The following ANO5 variants were observed in gnomAD, a reference collection of about 807,000 sequenced individuals.
The protein encoded by ANO5 is anoctamin 5.
A neutral mutation model predicts 121.0 loss-of-function variants in ANO5; 109 were observed. That is an observed-to-expected ratio of 0.90 (90% CI 0.77 to 1.06). ANO5 has a LOEUF of 1.06. Ranked by LOEUF, ANO5 falls within the 50% of genes least tolerant of loss-of-function variation. The pLI is 0.00. For synonymous variants in ANO5, 406 were observed against 359.9 expected, an observed-to-expected ratio of 1.13 and a Z score of -1.45; for missense variants, 1,064 against 1,078.5, an observed-to-expected ratio of 0.99 and a Z score of 0.19.
intron 17 of ANO5, 61 bp downstream of exon 17, chr11:22,263,104 A>C: frequency 7.0e-7 from 1 of 1,421,228 alleles, no homozygotes; most frequent in Non-Finnish European, 9.9e-7. Context: ...TTCCTCTAGA[A>C]GAAGATGGAA....
chr11:22,256,894 C>T (rs1479178239), intron 13 of ANO5, among the ~76,000 whole-genome samples: 1 of 152,168 alleles, frequency 6.6e-6, no homozygotes, highest in Non-Finnish European at 1.5e-5. Context: ...CACACATGAA[C>T]ACACATGTAC....
chr11:22,223,579 C>T (rs1022411906), intron 5 of ANO5, among the ~76,000 whole-genome samples: 6 of 152,008 alleles, frequency 3.9e-5, no homozygotes, highest in African/African-American at 1.4e-4. Context: ...CTTATCAGTT[C>T]TGGGAGTGGA....
Position 22,227,470 on chromosome 11 carries a change from A to G in ANO5, c.532A>G (p.Ser178Gly). ...GCTTGGACCTGTAAGACTCCCACTGAGTGTGAAGTATCCCCATCCTGAATA... is the reference window on the plus strand; with the variant it reads ...GCTTGGACCTGTAAGACTCCCACTGGGTGTGAAGTATCCCCATCCTGAATA... Reference protein sequence around the residue: ...YVLGPVRLPLSVKYPHPEYFT... With the variant: ...YVLGPVRLPLGVKYPHPEYFT... The change falls in exon 7 of 22, where the codon AGT becomes GGT. Residue 178 changes from serine (S) to glycine (G), a missense_variant. Coordinates refer to ENST00000324559, the MANE Select transcript of ANO5 (RefSeq NM_213599.3). 1 of 1,613,626 alleles carries G rather than the reference A, an allele frequency of 6.2e-7. No homozygotes were observed. Among genetic ancestry groups the G allele is most frequent in the Non-Finnish European group, 8.5e-7 (1 of 1,179,772 alleles).
chr11:22,193,586 C>A, intron 1 of ANO5, 54 bp downstream of exon 1: 1 of 1,589,514 alleles, frequency 6.3e-7, no homozygotes, highest in Non-Finnish European at 8.6e-7. Flanking sequence ...GCCTGCACCC[C>A]TCCACCCGCG....
chr11:22,199,988 G>A (rs11026459), intron 1 of ANO5, among the ~76,000 whole-genome samples: 26,648 of 151,984 alleles, frequency 0.18, 2,814 homozygotes, highest in African/African-American at 0.3. Context: ...CACTTTAAAT[G>A]TATCTTTTTC....
intron 2 of ANO5, among the ~76,000 whole-genome samples, chr11:22,208,019 G>A (rs149578618): frequency 1.3e-5 from 2 of 152,058 alleles, no homozygotes; most frequent in African/African-American, 4.8e-5. Context: ...ATATAAAATA[G>A]TGACAATACA....
At position 22,279,879 on chromosome 11, in the gene ANO5, CTTTT is replaced by C; in HGVS notation, c.*122_*125del. 4 of 387,202 alleles carry C rather than the reference CTTTT, an allele frequency of 1.0e-5. No homozygotes were observed. Among genetic ancestry groups the C allele is most frequent in the East Asian group, 5.6e-5 (1 of 17,910 alleles). The allele number at this position is 387,202 out of a possible 1,614,324, so 24.0% of individuals were successfully genotyped here. On this transcript the variant is annotated 3_prime_UTR_variant, in exon 22 of 22. Coordinates refer to ENST00000324559, the MANE Select transcript of ANO5 (RefSeq NM_213599.3). ...TTTACCCTTTCTTTTTTTTTTTTTT[CTTTT>C]TTTTTTTAAACTCAAAGTTTTTATA...
chr11:22,261,817 G>A (rs2133746265), intron 15 of ANO5, among the ~76,000 whole-genome samples: 1 of 152,186 alleles, frequency 6.6e-6, no homozygotes, highest in East Asian at 1.9e-4. Context: ...TTTTGGTTGG[G>A]ACAGAGTGCC....
chr11:22,244,035 G>A (rs1853530143), intron 9 of ANO5, among the ~76,000 whole-genome samples: 1 of 151,914 alleles, frequency 6.6e-6, no homozygotes, highest in African/African-American at 2.4e-5. Flanking sequence ...TTTTGTGATA[G>A]CAGGTGTTGT....
Position 22,193,454 on chromosome 11 carries a change from T to A in ANO5, c.-39T>A, listed in dbSNP as rs368639524. On this transcript the variant is annotated 5_prime_UTR_variant, in exon 1 of 22. Coordinates refer to ENST00000324559, the MANE Select transcript of ANO5 (RefSeq NM_213599.3). ...TCTGTCTCAGCTGCCCCTCTCCTGC[T>A]GCCTCTCAGGCACCAGTGCCATTAA... The A allele has an allele frequency of 6.2e-7, 1 of 1,601,992 alleles. No homozygotes were observed. Among genetic ancestry groups the A allele is most frequent in the African/African-American group, 1.3e-5 (1 of 74,780 alleles).
rs1303108940 is a variant in ANO5 at position 22,259,519 on chromosome 11, A to T, written c.1408A>T (p.Met470Leu). ...GCAGTTCTTTGTTTTCCTTTCCCAGATGTCTCTTGTCGTCACCAGTATGGT... is the reference window on the plus strand; with the variant it reads ...GCAGTTCTTTGTTTTCCTTTCCCAGTTGTCTCTTGTCGTCACCAGTATGGT... ...FLSGATVTLWMSLVVTSMVAV... is the reference protein window; with the variant it reads ...FLSGATVTLWLSLVVTSMVAV... Residue 470 changes from methionine (M) to leucine (L), a missense_variant and splice_region_variant, in exon 15 of 22, where the codon ATG (methionine) becomes TTG (leucine). Transcript: ENST00000324559. 1 of 1,613,750 alleles carries T rather than the reference A, an allele frequency of 6.2e-7. No homozygotes were observed. The highest frequency in any genetic ancestry group is 2.2e-5 in the East Asian group (1 of 44,870).
intron 1 of ANO5, among the ~76,000 whole-genome samples, chr11:22,198,698 T>C (rs981705296): frequency 2.0e-5 from 3 of 152,210 alleles, no homozygotes; most frequent in African/African-American, 7.2e-5. Flanking sequence ...TGTTCTGTGA[T>C]TGGAACTATA....
chr11:22,228,704 C>T (rs977127195), intron 7 of ANO5, among the ~76,000 whole-genome samples: 2 of 151,940 alleles, frequency 1.3e-5, no homozygotes, highest in African/African-American at 4.8e-5. Context: ...ATGAAAACAA[C>T]TTTGTAGATT....
At chr11:22,261,526 G>A (rs1171573960) in intron 15 of ANO5, 5 of 153,192 alleles carry the variant, frequency 3.3e-5, no homozygotes, top group Non-Finnish European at 7.3e-5. Context: ...TTAGCCAGGT[G>A]TGGTGGTGCA....
chr11:22,196,365 A>G (rs1851810861), intron 1 of ANO5, among the ~76,000 whole-genome samples: 1 of 152,166 alleles, frequency 6.6e-6, no homozygotes, highest in South Asian at 2.1e-4. Flanking sequence ...ATGAGGATGG[A>G]GCCCTCATGA....
intron 4 of ANO5, 95 bp downstream of exon 4, chr11:22,218,382 A>G (rs1590232865): frequency 6.7e-7 from 1 of 1,493,112 alleles, no homozygotes; most frequent in Non-Finnish European, 9.3e-7. Context: ...GATTTGGGGG[A>G]ACATTGTCAC....
At chr11:22,246,856 CAAAAAAAAA>C (rs10565920) in intron 9 of ANO5, among the ~76,000 whole-genome samples, 1 of 62,212 alleles carries the variant, frequency 1.6e-5, no homozygotes, top group African/African-American at 4.7e-5. Flanking sequence ...GACCCTGTTT[CAAAAAAAAA>C]AAAAAAAAAA....
intron 5 of ANO5, 134 bp from the exon 6 acceptor site, chr11:22,225,850 A>G: frequency 1.5e-6 from 1 of 667,900 alleles, no homozygotes; most frequent in East Asian, 2.7e-5. Context: ...ATTCAGATGG[A>G]GCATTTTTAT....
At chr11:22,241,465 T>A (rs1853429936) in intron 9 of ANO5, among the ~76,000 whole-genome samples, 1 of 151,982 alleles carries the variant, frequency 6.6e-6, no homozygotes, top group Non-Finnish European at 1.5e-5. Flanking sequence ...TTGCAGAAGC[T>A]CCAAACTGTT....
Sources: allele counts gnomAD v4.1 joint callset (sites outside exome capture counted in the v4.1 genomes callset), GRCh38; gene constraint gnomAD v4.1.1; transcripts MANE v1.5; gene names NCBI Gene and HGNC (gene_info 2026-07-23, HGNC 2026-07-21).